ARHGEF38: variants seen among roughly 807,000 people sequenced by gnomAD.
ARHGEF38 encodes Rho guanine nucleotide exchange factor (GEF) 38.
Under a neutral mutation model 79.9 loss-of-function variants are expected in ARHGEF38, and 79 were observed. The observed-to-expected ratio is 0.99, with a 90% CI of 0.82 to 1.19. The LOEUF (loss-of-function observed/expected upper bound fraction) is 1.19. Ranked by LOEUF, ARHGEF38 falls within the 50% of genes most tolerant of loss-of-function variation. The pLI is 0.00. For synonymous variants in ARHGEF38, 366 were observed against 328.3 expected, an observed-to-expected ratio of 1.11 and a Z score of -1.24; for missense variants, 962 against 907.2, an observed-to-expected ratio of 1.06 and a Z score of -0.78.
At chr4:105,676,081 C>G (rs1390544492) in intron 13 of ARHGEF38, among the ~76,000 whole-genome samples, 3 of 152,186 alleles carry the variant, frequency 2.0e-5, no homozygotes, top group Admixed American at 6.5e-5. Flanking sequence ...AGTTAAATAA[C>G]AGTTTAATAT....
intron 3 of ARHGEF38, among the ~76,000 whole-genome samples, chr4:105,619,321 C>T (rs1251101353): frequency 6.6e-6 from 1 of 151,738 alleles, no homozygotes; most frequent in East Asian, 1.9e-4. Flanking sequence ...ACAGCCAAGG[C>T]CTCAGGCTTG....
chr4:105,645,232 C>A lies in ARHGEF38; in HGVS notation c.719C>A (p.Pro240Gln). 1 of 1,534,168 alleles carries A rather than the reference C, an allele frequency of 6.5e-7. No homozygotes were observed. Among genetic ancestry groups the A allele is most frequent in the Non-Finnish European group, 8.7e-7 (1 of 1,146,144 alleles). Residue 240 changes from proline (P) to glutamine (Q), a missense_variant, in exon 6 of 14, where the codon CCA (proline) becomes CAA (glutamine). Physicochemically the swap from Pro to Gln is moderately conservative, Grantham distance 76 (BLOSUM62 -1). Coordinates refer to ENST00000420470, the MANE Select transcript of ARHGEF38 (RefSeq NM_001242729.2). ...LLDMGSLMIK[P>Q]IQRVMKYPLL... ...GACATGGGCTCTTTGATGATCAAAC[C>A]AATTCAACGTGTGATGAAATACCCC... is the stretch of plus-strand genomic sequence containing the variant.
chr4:105,670,801 T>C (rs758886440), intron 13 of ARHGEF38, among the ~76,000 whole-genome samples: 2 of 152,218 alleles, frequency 1.3e-5, no homozygotes, highest in Non-Finnish European at 2.9e-5. Flanking sequence ...ATAACCTAGA[T>C]GGACAGAAAT....
At chr4:105,682,473 T>C (rs1429747097), downstream of ARHGEF38, 4 of 343,678 alleles carry the variant, frequency 1.2e-5, no homozygotes, top group Non-Finnish European at 2.1e-5. Context: ...GCTTTCAATC[T>C]TCTGAAGATC....
intron 2 of ARHGEF38, among the ~76,000 whole-genome samples, chr4:105,592,013 T>A (rs11940458): frequency 6.6e-6 from 1 of 152,322 alleles, no homozygotes; most frequent in African/African-American, 2.4e-5. Context: ...TTCATTTACA[T>A]ACTTATTCAA....
At chr4:105,593,082 C>T (rs568356832) in intron 2 of ARHGEF38, among the ~76,000 whole-genome samples, 12 of 152,178 alleles carry the variant, frequency 7.9e-5, no homozygotes, top group African/African-American at 2.9e-4. Context: ...AAATTGTTTT[C>T]CTCGATCCTA....
At chr4:105,587,368 A>G (rs561087271) in intron 1 of ARHGEF38, among the ~76,000 whole-genome samples, 1 of 152,340 alleles carries the variant, frequency 6.6e-6, no homozygotes, top group East Asian at 1.9e-4. Context: ...AATATAGATC[A>G]GGATTGGAGG....
At chr4:105,613,846 C>G (rs1253165711) in intron 3 of ARHGEF38, among the ~76,000 whole-genome samples, 1 of 151,988 alleles carries the variant, frequency 6.6e-6, no homozygotes, top group Admixed American at 6.6e-5. Flanking sequence ...ATTCTAATAG[C>G]TTTACTGATT....
chr4:105,674,369 T>C (rs1334222899), intron 13 of ARHGEF38, among the ~76,000 whole-genome samples: 2 of 152,142 alleles, frequency 1.3e-5, no homozygotes. Context: ...TAGGTGATTA[T>C]GGCTCAAATT....
intron 5 of ARHGEF38, among the ~76,000 whole-genome samples, chr4:105,644,590 T>C (rs1278697858): frequency 6.6e-6 from 1 of 152,246 alleles, no homozygotes; most frequent in Non-Finnish European, 1.5e-5. Flanking sequence ...ACATGGAATG[T>C]CACTGTGTGA....
At chr4:105,621,670 T>C (rs1728739594) in intron 3 of ARHGEF38, among the ~76,000 whole-genome samples, 1 of 152,196 alleles carries the variant, frequency 6.6e-6, no homozygotes, top group Non-Finnish European at 1.5e-5. Flanking sequence ...TGACAATTCA[T>C]ATCATAATGC....
chr4:105,667,098 C>A, intron 11 of ARHGEF38, 31 bp from the exon 12 acceptor site: 1 of 1,515,124 alleles, frequency 6.6e-7, no homozygotes. Flanking sequence ...ATGTATCTGT[C>A]TAAACCAAAA....
intron 2 of ARHGEF38, among the ~76,000 whole-genome samples, chr4:105,611,471 C>G (rs1038243120): frequency 6.6e-6 from 1 of 151,868 alleles, no homozygotes; most frequent in Non-Finnish European, 1.5e-5. Context: ...TGTGCTAAAT[C>G]AGTGGTACTC....
At chr4:105,658,990 G>C in intron 9 of ARHGEF38, 64 bp from the exon 10 acceptor site, 6 of 1,371,550 alleles carry the variant, frequency 4.4e-6, no homozygotes, top group Non-Finnish European at 5.8e-6. Flanking sequence ...CCTATGGATA[G>C]CAGAACTGGA....
At chr4:105,655,566 A>C in intron 8 of ARHGEF38, 37 bp from the exon 9 acceptor site, 1 of 1,532,434 alleles carries the variant, frequency 6.5e-7, no homozygotes, top group Non-Finnish European at 8.7e-7. Context: ...CTGACCTCAA[A>C]ACTTGCCTTT....
intron 1 of ARHGEF38, among the ~76,000 whole-genome samples, chr4:105,561,430 GAATAGAATAGAATA>G (rs1560684342): frequency 3.1e-4 from 18 of 57,296 alleles, no homozygotes; most frequent in Non-Finnish European, 4.1e-4. Context: ...GAATGGAATA[GAATAGAATAGAATA>G]GAATGGAATA....
chr4:105,572,815 C>T (rs970121375), intron 1 of ARHGEF38, among the ~76,000 whole-genome samples: 8 of 152,110 alleles, frequency 5.3e-5, no homozygotes, highest in Non-Finnish European at 1.2e-4. Flanking sequence ...TGCTTCCATG[C>T]TTTAGCTATT....
In ARHGEF38 at chr4:105,678,963, T is replaced by C. The variant is rs1468890572; in HGVS notation, c.*1026T>C. 7 of 226,700 alleles carry C rather than the reference T, an allele frequency of 3.1e-5. No homozygotes were observed. In the East Asian group the frequency reaches 8.0e-4, roughly 26 times the overall value. The allele number at this position is 226,700 out of a possible 1,614,324, so 14.0% of individuals were successfully genotyped here. On this transcript the variant is annotated 3_prime_UTR_variant, in exon 14 of 14. Coordinates refer to ENST00000420470, the MANE Select transcript of ARHGEF38 (RefSeq NM_001242729.2). ...TCTTTGCAAATAGTAGACACATACCTCAACAATGATGACCTAATTTTTGAT... is the reference window on the plus strand; with the variant it reads ...TCTTTGCAAATAGTAGACACATACCCCAACAATGATGACCTAATTTTTGAT...
At chr4:105,587,755 CG>C (rs1270101944) in intron 1 of ARHGEF38, among the ~76,000 whole-genome samples, 1 of 152,092 alleles carries the variant, frequency 6.6e-6, no homozygotes, top group Non-Finnish European at 1.5e-5. Flanking sequence ...CCACTGCTCC[CG>C]GCCTCATGTG....
Sources: allele counts gnomAD v4.1 joint callset (sites outside exome capture counted in the v4.1 genomes callset), GRCh38; gene constraint gnomAD v4.1.1; transcripts MANE v1.5; gene names NCBI Gene and HGNC (gene_info 2026-07-23, HGNC 2026-07-21).